The following SSH1 variants were observed in gnomAD, a reference collection of about 807,000 sequenced individuals.
SSH1 encodes slingshot protein phosphatase 1.
In SSH1, 43 loss-of-function variants were observed where a neutral mutation model predicts 79.7. The observed-to-expected ratio is 0.54, with a 90% CI of 0.42 to 0.70. SSH1 has a LOEUF of 0.70. Among genes scored for constraint, SSH1 ranks in the 30% least tolerant of loss-of-function variants. The pLI is 0.00. For synonymous variants in SSH1, 599 were observed against 538.3 expected, an observed-to-expected ratio of 1.11 and a Z score of -1.56; for missense variants, 1,206 against 1,358.8, an observed-to-expected ratio of 0.89 and a Z score of 1.77.
chr12:108,790,211 C>T (rs1425651575), intron 14 of SSH1, among the ~76,000 whole-genome samples: 9 of 151,494 alleles, frequency 5.9e-5, no homozygotes, highest in South Asian at 2.1e-4. Context: ...AGTGCAATTG[C>T]GTGATCTTGT....
At chr12:108,802,395 G>C (rs74380845) in intron 10 of SSH1, 27 bp from the exon 11 acceptor site, 1 of 1,612,184 alleles carries the variant, frequency 6.2e-7, no homozygotes, top group Non-Finnish European at 8.5e-7. Context: ...ACAAGCTCCT[G>C]TGAGTGTCAC....
intron 2 of SSH1, among the ~76,000 whole-genome samples, chr12:108,829,214 G>A (rs934866605): frequency 6.6e-6 from 1 of 152,120 alleles, no homozygotes; most frequent in Non-Finnish European, 1.5e-5. Context: ...TGTAATCCCA[G>A]CTACTCAGGA....
intron 12 of SSH1, among the ~76,000 whole-genome samples, chr12:108,799,454 T>C (rs1042036652): frequency 1.3e-5 from 2 of 152,202 alleles, no homozygotes; most frequent in African/African-American, 4.8e-5. Flanking sequence ...TGTTCTGGCC[T>C]GGCCATGTTT....
At chr12:108,836,013 C>CCA (rs1566013012) in intron 2 of SSH1, among the ~76,000 whole-genome samples, 4 of 13,394 alleles carry the variant, frequency 3.0e-4, no homozygotes, top group Non-Finnish European at 6.2e-4. Flanking sequence ...TCGATTATAA[C>CCA]TATATTAATA....
intron 2 of SSH1, among the ~76,000 whole-genome samples, chr12:108,842,844 G>A (rs996518583): frequency 6.6e-6 from 1 of 152,196 alleles, no homozygotes; most frequent in Non-Finnish European, 1.5e-5. Context: ...ACAGGCCACT[G>A]ACCTCTCTGG....
chr12:108,812,038 G>A (rs762037570), intron 5 of SSH1, among the ~76,000 whole-genome samples: 25 of 152,142 alleles, frequency 1.6e-4, no homozygotes, highest in Non-Finnish European at 2.9e-4. Flanking sequence ...ATGTGTGCCC[G>A]TGTGAATGGG....
chr12:108,781,225 T>A lies in SSH1; in HGVS notation c.*6763A>T, dbSNP rs2036143028. The A allele has an allele frequency of 6.6e-6, 1 of 151,778 alleles. No homozygotes were observed. The highest frequency in any genetic ancestry group is 2.4e-5 in the African/African-American group (1 of 41,290). 9.4% of individuals were successfully genotyped at this position (151,778 alleles called of 1,614,324 possible). ...TCAGAAACCAGGAGTTCAAGACCAG[T>A]CTGGGCAACATAGTGAGACCCTATC... On this transcript the variant is annotated 3_prime_UTR_variant, in exon 15 of 15. Transcript: ENST00000326495.
intron 14 of SSH1, chr12:108,792,053 T>G (rs935219516): frequency 1.4e-6 from 2 of 1,441,460 alleles, no homozygotes; most frequent in African/African-American, 2.9e-5. Flanking sequence ...TCCCAACAGA[T>G]TCTCAATTTG....
At chr12:108,822,842 G>A (rs1382658841) in intron 3 of SSH1, among the ~76,000 whole-genome samples, 1 of 152,180 alleles carries the variant, frequency 6.6e-6, no homozygotes, top group Non-Finnish European at 1.5e-5. Flanking sequence ...TTCTCCAAAT[G>A]AGTGTTTTTC....
intron 2 of SSH1, 147 bp from the exon 3 acceptor site, chr12:108,823,508 T>C (rs775620843): frequency 8.3e-6 from 6 of 726,176 alleles, no homozygotes; most frequent in Non-Finnish European, 1.4e-5. Context: ...TAATTCCACG[T>C]AGTACTTTTC....
chr12:108,780,524 T>C lies in SSH1; in HGVS notation c.*7464A>G, dbSNP rs946653847. ...CCTACTCAGTTGCATCATATTCTTA[T>C]TTTGATGGTTTCTAAACTTGGCCAT... On this transcript the variant is annotated 3_prime_UTR_variant, in exon 15 of 15. Coordinates refer to ENST00000326495, the MANE Select transcript of SSH1 (RefSeq NM_018984.4). The C allele has an allele frequency of 2.2e-4, 34 of 152,364 alleles. No individual in the cohort carries two copies. The highest frequency in any genetic ancestry group is 7.9e-4 in the African/African-American group (33 of 41,584). 9.4% of individuals were successfully genotyped at this position (152,364 alleles called of 1,614,324 possible). A position where few individuals can be genotyped will look rare whatever the true frequency, so the allele number is the denominator to read the frequency against.
intron 3 of SSH1, among the ~76,000 whole-genome samples, chr12:108,819,837 A>G (rs2137169990): frequency 6.6e-6 from 1 of 152,160 alleles, no homozygotes; most frequent in East Asian, 1.9e-4. Context: ...CACAATTACA[A>G]CCCCAAAAGG....
chr12:108,801,332 T>C (rs1469017388), intron 11 of SSH1, among the ~76,000 whole-genome samples: 1 of 152,184 alleles, frequency 6.6e-6, no homozygotes, highest in East Asian at 1.9e-4. Context: ...TCTATATCCT[T>C]GGGAACTGCC....
chr12:108,836,622 A>G (rs956673495), intron 2 of SSH1, among the ~76,000 whole-genome samples: 5 of 152,368 alleles, frequency 3.3e-5, no homozygotes, highest in Admixed American at 3.3e-4. Context: ...CAAAGAATTG[A>G]AACGGACATT....
At chr12:108,847,582 C>A (rs199778702) in intron 2 of SSH1, among the ~76,000 whole-genome samples, 1 of 152,080 alleles carries the variant, frequency 6.6e-6, no homozygotes, top group African/African-American at 2.4e-5. Flanking sequence ...CTCAGCCTCC[C>A]GAGTAGCTGG....
intron 3 of SSH1, among the ~76,000 whole-genome samples, chr12:108,819,382 A>G (rs2038030307): frequency 6.6e-6 from 1 of 152,254 alleles, no homozygotes; most frequent in African/African-American, 2.4e-5. Flanking sequence ...CCCTGTCAGA[A>G]GAAGCGCACA....
At chr12:108,794,522 G>C (rs1226363569) in intron 13 of SSH1, among the ~76,000 whole-genome samples, 1 of 152,168 alleles carries the variant, frequency 6.6e-6, no homozygotes, top group East Asian at 1.9e-4. Context: ...TTTTTAGGAT[G>C]GGAGTTCAGA....
chr12:108,816,425 AT>A (rs1330058504), intron 5 of SSH1, among the ~76,000 whole-genome samples: 1 of 152,248 alleles, frequency 6.6e-6, no homozygotes, highest in Non-Finnish European at 1.5e-5. Context: ...TCTCACAGGC[AT>A]TCATTTATCT....
chr12:108,797,290 CTTTT>C (rs769933866), intron 13 of SSH1, among the ~76,000 whole-genome samples: 1 of 145,110 alleles, frequency 6.9e-6, no homozygotes, highest in African/African-American at 2.5e-5. Flanking sequence ...CCACGCTGGG[CTTTT>C]TTTTTTTGTA....
Sources: gnomAD v4.1 joint callset for allele counts (sites outside exome capture counted in the v4.1 genomes callset) on GRCh38, gnomAD v4.1.1 for gene constraint, MANE v1.5 for transcripts, NCBI Gene and HGNC (gene_info 2026-07-23, HGNC 2026-07-21) for gene names.